DLGAP2: variants seen among roughly 807,000 people sequenced by gnomAD.
DLGAP2 encodes DLG associated protein 2, also known as disks large-associated protein 2.
A neutral mutation model predicts 100.3 loss-of-function variants in DLGAP2; 26 were observed. That is an observed-to-expected ratio of 0.26 (90% CI 0.19 to 0.36). The LOEUF (loss-of-function observed/expected upper bound fraction) is 0.36. Among genes scored for constraint, DLGAP2 ranks in the 10% least tolerant of loss-of-function variants. DLGAP2 has a pLI of 1.00. For missense variants in DLGAP2, 1,858 were observed against 1,453.2 expected (o/e 1.28, Z -4.53); for synonymous variants, 886 against 630.1 (o/e 1.41, Z -6.08).
intron 3 of DLGAP2, among the ~76,000 whole-genome samples, chr8:1,357,848 G>C (rs557416653): frequency 6.6e-6 from 1 of 152,262 alleles, no homozygotes; most frequent in Admixed American, 6.5e-5. Flanking sequence ...ACAGGGAGGG[G>C]GCAGGTCCCC....
chr8:864,125 C>T (rs992218766), intron 1 of DLGAP2, among the ~76,000 whole-genome samples: 2 of 152,124 alleles, frequency 1.3e-5, no homozygotes, highest in Non-Finnish European at 2.9e-5. Context: ...TAATCCCACT[C>T]GTGCAGAATC....
chr8:1,324,046 G>C (rs116722039), intron 3 of DLGAP2, among the ~76,000 whole-genome samples: 1 of 152,210 alleles, frequency 6.6e-6, no homozygotes, highest in Non-Finnish European at 1.5e-5. Context: ...CTGGTCTGCT[G>C]TGATATCCAA....
intron 3 of DLGAP2, among the ~76,000 whole-genome samples, chr8:1,339,910 T>C (rs1240576680): frequency 6.6e-6 from 1 of 152,318 alleles, no homozygotes; most frequent in East Asian, 1.9e-4. Flanking sequence ...AAAATATGTG[T>C]ATATTGACAG....
intron 2 of DLGAP2, among the ~76,000 whole-genome samples, chr8:1,170,318 C>G (rs1008441131): frequency 1.4e-4 from 21 of 151,174 alleles, no homozygotes; most frequent in Non-Finnish European, 2.4e-4. Flanking sequence ...CATCAATGTT[C>G]ATCAAGGATA....
At chr8:1,196,692 C>A (rs1797758659) in intron 2 of DLGAP2, among the ~76,000 whole-genome samples, 1 of 152,098 alleles carries the variant, frequency 6.6e-6, no homozygotes, top group Non-Finnish European at 1.5e-5. Context: ...GTGCCATCTG[C>A]CATGATTTCC....
chr8:1,228,535 T>C (rs147749780), intron 2 of DLGAP2, among the ~76,000 whole-genome samples: 2,170 of 152,304 alleles, frequency 0.014, 31 homozygotes, highest in South Asian at 0.069. Flanking sequence ...CTTATGAATA[T>C]AGATATAAAA....
chr8:1,638,756 C>T (rs544538919), intron 8 of DLGAP2, among the ~76,000 whole-genome samples: 22 of 152,278 alleles, frequency 1.4e-4, no homozygotes, highest in South Asian at 8.3e-4. Context: ...AGGGAGTCTC[C>T]AGGACTTCAT....
intron 2 of DLGAP2, among the ~76,000 whole-genome samples, chr8:940,783 A>G (rs1799178907): frequency 1.3e-5 from 2 of 152,192 alleles, no homozygotes; most frequent in African/African-American, 4.8e-5. Flanking sequence ...ATCCAATGAG[A>G]AAAGATCACC....
intron 3 of DLGAP2, among the ~76,000 whole-genome samples, chr8:1,333,050 G>A (rs927343111): frequency 6.6e-6 from 1 of 152,170 alleles, no homozygotes; most frequent in African/African-American, 2.4e-5. Flanking sequence ...CGCCCGAGGT[G>A]TTGAAAGCGA....
At chr8:1,510,769 C>A (rs1310471753) in intron 4 of DLGAP2, among the ~76,000 whole-genome samples, 1 of 152,224 alleles carries the variant, frequency 6.6e-6, no homozygotes, top group Non-Finnish European at 1.5e-5. Context: ...ATCCACACTG[C>A]TTCCCCAAGG....
rs117712305 is a variant in DLGAP2, at chr8:954,336, T to G, written c.73+46370T>G. ...TATAAGTGAAAATTTGTATTACCCT[T>G]TGACATTTCTCCATCCCTCTCGCCT... On this transcript the variant is annotated intron_variant, in intron 2 of 14. Coordinates refer to ENST00000637795, the MANE Select transcript of DLGAP2 (RefSeq NM_001346810.2). Among the ~76,000 whole-genome samples the G allele has an allele frequency of 9.5e-4, 144 of 152,292 alleles. 2 individuals carry two copies. In the East Asian group the frequency reaches 0.024, roughly 26 times the overall value.
intron 1 of DLGAP2, among the ~76,000 whole-genome samples, chr8:819,147 T>C (rs1488679859): frequency 6.6e-6 from 1 of 152,222 alleles, no homozygotes; most frequent in African/African-American, 2.4e-5. Context: ...CTACCCAAAA[T>C]GTTAGCCAGT....
At chr8:829,543 G>C (rs1796742953) in intron 1 of DLGAP2, among the ~76,000 whole-genome samples, 1 of 152,108 alleles carries the variant, frequency 6.6e-6, no homozygotes, top group South Asian at 2.1e-4. Context: ...ACATCATAAA[G>C]GTAAAAAGGA....
intron 3 of DLGAP2, among the ~76,000 whole-genome samples, chr8:1,467,166 G>C (rs533035585): frequency 7.2e-5 from 11 of 152,098 alleles, no homozygotes; most frequent in South Asian, 6.2e-4. Flanking sequence ...GCCAGAGGGA[G>C]GAGGGGTCCA....
At chr8:1,292,465 T>C (rs1489413629) in intron 3 of DLGAP2, among the ~76,000 whole-genome samples, 1 of 152,226 alleles carries the variant, frequency 6.6e-6, no homozygotes, top group Non-Finnish European at 1.5e-5. Flanking sequence ...TGTGATCAAC[T>C]TGACTTCTCA....
chr8:1,684,158 A>G (rs1220937642), intron 12 of DLGAP2, among the ~76,000 whole-genome samples: 1 of 146,632 alleles, frequency 6.8e-6, no homozygotes, highest in Non-Finnish European at 1.5e-5. Flanking sequence ...ATTTTTAATC[A>G]GAAAATGTAA....
At chr8:1,205,269 G>A (rs1340877497) in intron 2 of DLGAP2, among the ~76,000 whole-genome samples, 2 of 152,218 alleles carry the variant, frequency 1.3e-5, no homozygotes, top group Non-Finnish European at 2.9e-5. Context: ...AGCTGATGTC[G>A]AGGAGGTGTG....
chr8:1,208,904 AT>A (rs1252064292), intron 2 of DLGAP2, among the ~76,000 whole-genome samples: 55 of 150,114 alleles, frequency 3.7e-4, no homozygotes, highest in Non-Finnish European at 2.4e-4. Context: ...AAATAAATAA[AT>A]AAATAAAATG....
chr8:1,182,106 C>T (rs1214050710), intron 2 of DLGAP2, among the ~76,000 whole-genome samples: 1 of 152,254 alleles, frequency 6.6e-6, no homozygotes, highest in South Asian at 2.1e-4. Flanking sequence ...CTTCAGCTCA[C>T]AACAGCGTCT....
Sources: gnomAD v4.1 joint callset for allele counts (sites outside exome capture counted in the v4.1 genomes callset) on GRCh38, gnomAD v4.1.1 for gene constraint, MANE v1.5 for transcripts, NCBI Gene and HGNC (gene_info 2026-07-23, HGNC 2026-07-21) for gene names.